The following LINGO1 variants were observed in gnomAD, a reference collection of about 807,000 sequenced individuals.
LINGO1 encodes the protein leucine-rich repeat and immunoglobulin-like domain-containing nogo receptor-interacting protein 1.
LINGO1 carries 11 observed loss-of-function variants against 37.3 expected under a neutral mutation model. That is an observed-to-expected ratio of 0.29 (90% CI 0.19 to 0.49). The LOEUF (loss-of-function observed/expected upper bound fraction) is 0.49, where lower values mean the gene tolerates loss of function less well. Among genes scored for constraint, LINGO1 ranks in the 20% least tolerant of loss-of-function variants. The pLI is 0.99. For missense variants in LINGO1, 585 were observed against 878.2 expected (o/e 0.67, Z 4.22); for synonymous variants, 387 against 403.0 (o/e 0.96, Z 0.48).
Position 77,808,387 on chromosome 15 carries a change from G to A in LINGO1, c.-458+11871C>T, listed in dbSNP as rs535311076. Among the ~76,000 whole-genome samples, 101 of 152,270 alleles carry A rather than the reference G, an allele frequency of 6.6e-4. 1 individual carries two copies. The South Asian group carries it at 0.01, about 16-fold the overall frequency. On this transcript the variant is annotated intron_variant, in intron 1 of 5. Transcript: ENST00000562933. ...TGTATCGGGGCAAAGGCCTTGAGAG[G>A]GAGGTGAGGCAGGTTTGAGGATCTG...
chr15:77,751,568 A>C (rs141341179), intron 1 of LINGO1, among the ~76,000 whole-genome samples: 5 of 152,234 alleles, frequency 3.3e-5, no homozygotes, highest in Admixed American at 3.3e-4. Flanking sequence ...CCATCCCTGG[A>C]GGGCTTCCTG....
At chr15:77,759,315 G>A (rs993200283) in intron 1 of LINGO1, among the ~76,000 whole-genome samples, 1 of 152,182 alleles carries the variant, frequency 6.6e-6, no homozygotes, top group African/African-American at 2.4e-5. Context: ...GAGGAGCGGT[G>A]TGGACTGGAA....
At chr15:77,818,257 C>T (rs996640327) in intron 1 of LINGO1, among the ~76,000 whole-genome samples, 5 of 152,216 alleles carry the variant, frequency 3.3e-5, no homozygotes, top group Non-Finnish European at 7.3e-5. Flanking sequence ...CCTCTCACTC[C>T]AGGAGACACG....
intron 2 of LINGO1, among the ~76,000 whole-genome samples, chr15:77,721,546 C>T (rs756093586): frequency 6.6e-6 from 1 of 152,212 alleles, no homozygotes; most frequent in Non-Finnish European, 1.5e-5. Flanking sequence ...TTATTTGTCA[C>T]CTCCATTCAA....
At chr15:77,678,095 G>A (rs933057491) in intron 2 of LINGO1, among the ~76,000 whole-genome samples, 3 of 152,190 alleles carry the variant, frequency 2.0e-5, no homozygotes, top group Non-Finnish European at 1.5e-5. Context: ...CATCCTCACC[G>A]TGTCTCACTG....
chr15:77,766,596 G>T (rs969739838), intron 1 of LINGO1, among the ~76,000 whole-genome samples: 1 of 152,148 alleles, frequency 6.6e-6, no homozygotes, highest in Non-Finnish European at 1.5e-5. Flanking sequence ...CTTCATTCTC[G>T]TGAAGTGAGT....
At chr15:77,655,181 C>T (rs1234499253) in intron 3 of LINGO1, among the ~76,000 whole-genome samples, 3 of 152,160 alleles carry the variant, frequency 2.0e-5, no homozygotes, top group Non-Finnish European at 1.5e-5. Context: ...CCTACAGGGT[C>T]GGGAGGGAAC....
intron 1 of LINGO1, among the ~76,000 whole-genome samples, chr15:77,814,869 G>A (rs2077035284): frequency 6.6e-6 from 1 of 152,252 alleles, no homozygotes; most frequent in South Asian, 2.1e-4. Context: ...ACTGAGGCCA[G>A]TGACCCTGAC....
chr15:77,720,323 G>C (rs2141311076), intron 2 of LINGO1, among the ~76,000 whole-genome samples: 1 of 152,348 alleles, frequency 6.6e-6, no homozygotes, highest in East Asian at 1.9e-4. Flanking sequence ...GCCCCGGCCT[G>C]TCCCGCCCCA....
chr15:77,702,091 C>T (rs1191532752), intron 2 of LINGO1, among the ~76,000 whole-genome samples: 2 of 152,160 alleles, frequency 1.3e-5, no homozygotes, highest in Non-Finnish European at 2.9e-5. Flanking sequence ...GAGCTTCATT[C>T]CTTTGGGTGC....
intron 2 of LINGO1, among the ~76,000 whole-genome samples, chr15:77,727,110 C>G (rs2076109982): frequency 6.6e-6 from 1 of 152,174 alleles, no homozygotes; most frequent in African/African-American, 2.4e-5. Flanking sequence ...ATGGAGAAAT[C>G]AGAACTTTTG....
intron 3 of LINGO1, among the ~76,000 whole-genome samples, chr15:77,651,059 C>CG (rs1458030305): frequency 6.6e-6 from 1 of 151,792 alleles, no homozygotes; most frequent in Non-Finnish European, 1.5e-5. Flanking sequence ...AAAATCCTGA[C>CG]GGGAAAAAAA....
chr15:77,780,828 G>A (rs2076709790), intron 1 of LINGO1, among the ~76,000 whole-genome samples: 1 of 151,924 alleles, frequency 6.6e-6, no homozygotes, highest in Non-Finnish European at 1.5e-5. Context: ...GGCAAGCCAG[G>A]AAGAGAGCCC....
intron 2 of LINGO1, among the ~76,000 whole-genome samples, chr15:77,734,535 G>C (rs927188692): frequency 6.6e-6 from 1 of 151,786 alleles, no homozygotes. Context: ...TAAGGTCAGA[G>C]CCTGACCACC....
rs1256484986 is a variant in LINGO1, at chr15:77,614,030, C to T, written c.*14G>A. 6.4e-7 allele frequency: 1 copy of T among 1,551,888 alleles called. No individual in the cohort carries two copies. Among genetic ancestry groups the T allele is most frequent in the African/African-American group, 1.4e-5 (1 of 73,406 alleles). Reference sequence around the variant, plus strand: ...TGCCCGGCCGCCCGGGGGTCCCTGCCCCCCGCCCCGGCCTCATATCATCTT... The same window carrying T: ...TGCCCGGCCGCCCGGGGGTCCCTGCTCCCCGCCCCGGCCTCATATCATCTT... On this transcript the variant is annotated 3_prime_UTR_variant, in exon 2 of 2. Coordinates refer to ENST00000355300, the MANE Select transcript of LINGO1 (RefSeq NM_032808.7).
At chr15:77,626,573 A>G (rs562816365) in intron 1 of LINGO1, among the ~76,000 whole-genome samples, 94 of 152,234 alleles carry the variant, frequency 6.2e-4, no homozygotes, top group Admixed American at 4.3e-3. Context: ...GGATGCCACT[A>G]CCCGGCTGCC....
upstream of LINGO1, among the ~76,000 whole-genome samples, chr15:77,637,542 G>A (rs1056818600): frequency 6.6e-6 from 1 of 152,150 alleles, no homozygotes; most frequent in Non-Finnish European, 1.5e-5. The surrounding 1 kb of genome is among the most constrained non-coding windows in gnomAD (Gnocchi z 4.6). Context: ...AGATAATGTC[G>A]GTTTCACGGG....
chr15:77,801,832 G>A (rs2076921632), intron 1 of LINGO1, among the ~76,000 whole-genome samples: 1 of 152,184 alleles, frequency 6.6e-6, no homozygotes, highest in Non-Finnish European at 1.5e-5. Flanking sequence ...GACAGGGTCA[G>A]AAGGTTGCTC....
At chr15:77,647,768 C>T in intron 3 of LINGO1, 1 of 436,842 alleles carries the variant, frequency 2.3e-6, no homozygotes, top group East Asian at 7.0e-5. Flanking sequence ...TTGCCCTTCC[C>T]TCTCACCCCT....
Sources: allele counts gnomAD v4.1 joint callset (sites outside exome capture counted in the v4.1 genomes callset), GRCh38; gene constraint gnomAD v4.1.1; non-coding constraint Gnocchi (gnomAD v3.1); transcripts MANE v1.5; gene names NCBI Gene and HGNC (gene_info 2026-07-23, HGNC 2026-07-21).